Variants in ASIC1 observed in about 807,000 individuals in gnomAD.
ASIC1 encodes the protein acid-sensing ion channel 1.
A neutral mutation model predicts 63.4 loss-of-function variants in ASIC1; 21 were observed. The observed-to-expected ratio is 0.33, with a 90% CI of 0.23 to 0.48. The LOEUF (loss-of-function observed/expected upper bound fraction) is 0.48, where lower values mean the gene tolerates loss of function less well. Among genes scored for constraint, ASIC1 ranks in the 20% least tolerant of loss-of-function variants. The probability of loss-of-function intolerance (pLI) is 0.99; values close to 1 mark genes in which losing one functional copy is unlikely to be tolerated. For missense variants in ASIC1, 478 were observed against 695.5 expected (o/e 0.69, Z 3.52); for synonymous variants, 258 against 278.2 (o/e 0.93, Z 0.72).
In ASIC1 at chr12:50,081,142, C is replaced by G; in HGVS notation, c.1338C>G (p.Ser446Arg). Residue 446 changes from serine (S) to arginine (R), a missense_variant, in exon 10 of 12, where the codon AGC becomes AGG. Ser to Arg is a moderately radical substitution (Grantham distance 110). Coordinates refer to ENST00000447966, the MANE Select transcript of ASIC1 (RefSeq NM_001095.4). ...AGATGGGGCTGTTCATCGGGGCCAG[C>G]ATCCTCACGGTGCTGGAGCTCTTTG... Reference protein sequence around the residue: ...GGQMGLFIGASILTVLELFDY... With the variant: ...GGQMGLFIGARILTVLELFDY... The G allele has an allele frequency of 6.2e-7, 1 of 1,612,238 alleles. No individual in the cohort carries two copies. The highest frequency in any genetic ancestry group is 1.3e-5 in the African/African-American group (1 of 75,044).
At chr12:50,079,881 C>T (rs1950696969) in intron 7 of ASIC1, 21 bp from the exon 8 acceptor site, 1 of 1,587,572 alleles carries the variant, frequency 6.3e-7, no homozygotes, top group Non-Finnish European at 8.6e-7. Flanking sequence ...CAACTGAGAC[C>T]TCTCACCTGG....
intron 3 of ASIC1, among the ~76,000 whole-genome samples, chr12:50,072,183 G>T (rs1950606261): frequency 6.6e-6 from 1 of 152,220 alleles, no homozygotes; most frequent in African/African-American, 2.4e-5. Flanking sequence ...GAGAAGAGAG[G>T]AGGAGGAAGG....
chr12:50,065,661 C>T (rs1950538924), intron 3 of ASIC1, among the ~76,000 whole-genome samples: 1 of 152,238 alleles, frequency 6.6e-6, no homozygotes, highest in Admixed American at 6.5e-5. Flanking sequence ...CCACCCCAGG[C>T]TCTCCAAGGC....
intron 8 of ASIC1, chr12:50,080,262 C>T (rs1023686488): frequency 5.1e-6 from 4 of 778,574 alleles, no homozygotes; most frequent in African/African-American, 1.8e-5. Context: ...CCTCCTTCTT[C>T]ATCCTCATTG....
At chr12:50,068,301 G>A (rs1352185848) in intron 3 of ASIC1, among the ~76,000 whole-genome samples, 1 of 151,830 alleles carries the variant, frequency 6.6e-6, no homozygotes, top group Non-Finnish European at 1.5e-5. Context: ...CTAGTTTTTG[G>A]CTCTTATCTA....
chr12:50,064,165 T>G (rs888253881), intron 3 of ASIC1, among the ~76,000 whole-genome samples: 7 of 152,130 alleles, frequency 4.6e-5, no homozygotes, highest in Admixed American at 4.6e-4. Flanking sequence ...ATGGGGTTCA[T>G]GAACTTTGGG....
At chr12:50,063,351 G>A (rs12813845) in intron 3 of ASIC1, among the ~76,000 whole-genome samples, 3,670 of 152,326 alleles carry the variant, frequency 0.024, 76 homozygotes, top group Non-Finnish European at 0.04. Flanking sequence ...GCAGCAAGGG[G>A]AGGGGGCTGG....
intron 3 of ASIC1, among the ~76,000 whole-genome samples, chr12:50,065,399 C>T (rs1373897643): frequency 2.0e-5 from 3 of 152,210 alleles, no homozygotes; most frequent in East Asian, 3.9e-4. Context: ...TCCACCTGGC[C>T]CCACTTCTTA....
At position 50,081,379 on chromosome 12, in the gene ASIC1, G is replaced by C; in HGVS notation, c.1482+15G>C. 2 of 1,573,758 alleles carry C rather than the reference G, an allele frequency of 1.3e-6. No individual in the cohort carries two copies. The highest frequency in any genetic ancestry group is 8.6e-7 in the Non-Finnish European group (1 of 1,159,588). ...TCAAAAGACACGTGAGGGAGCGAGC[G>C]AGGGCGCCCTCCAGCCCGCCTGTGC... On this transcript the variant is annotated intron_variant, in intron 11 of 11. Transcript: ENST00000447966.
At chr12:50,064,796 G>A (rs947466765) in intron 3 of ASIC1, among the ~76,000 whole-genome samples, 3 of 152,180 alleles carry the variant, frequency 2.0e-5, no homozygotes, top group Non-Finnish European at 4.4e-5. Flanking sequence ...TGGGGATAGC[G>A]AGGGAGACAG....
intron 3 of ASIC1, chr12:50,073,856 T>C (rs1245596339): frequency 1.3e-6 from 2 of 1,531,522 alleles, no homozygotes; most frequent in Non-Finnish European, 1.7e-6. Flanking sequence ...AGGCAGGTGC[T>C]GTGGGCGGTG....
intron 3 of ASIC1, among the ~76,000 whole-genome samples, chr12:50,063,553 A>C (rs1950519772): frequency 6.6e-6 from 1 of 152,178 alleles, no homozygotes; most frequent in South Asian, 2.1e-4. Context: ...ATTGGGGGAC[A>C]GGAATCCCTG....
At position 50,074,493 on chromosome 12, in the gene ASIC1, GTA is replaced by G. The variant is rs752268520; in HGVS notation, c.559-2718_559-2717del. ...TCTTGAAACACGTCTGTCTTAGTTG[GTA>G]TTTTGCTGCTGCCTCCCAACATGTC... On this transcript the variant is annotated intron_variant, in intron 3 of 11. Transcript: ENST00000447966. The surrounding 1 kb of genome is among the most constrained non-coding windows in gnomAD (Gnocchi z 4.2). 1.3e-5 allele frequency among the ~76,000 whole-genome samples: 2 copies of G among 152,180 alleles called. No individual in the cohort carries two copies. Among genetic ancestry groups the G allele is most frequent in the African/African-American group, 2.4e-5 (1 of 41,442 alleles).
At position 50,074,891 on chromosome 12, in the gene ASIC1, T is replaced by C. The variant is rs1256822559; in HGVS notation, c.559-2322T>C. ...GTGTGTGTGTGTGTGTGTGTGTGTG[T>C]GTGTGTGTGTGTGTGTCTGAGGGTA... is the stretch of plus-strand genomic sequence containing the variant. On this transcript the variant is annotated intron_variant, in intron 3 of 11. Coordinates refer to ENST00000447966, the MANE Select transcript of ASIC1 (RefSeq NM_001095.4). The surrounding 1 kb of genome is among the most constrained non-coding windows in gnomAD (Gnocchi z 4.2). Among the ~76,000 whole-genome samples, 13 of 151,536 alleles carry C rather than the reference T, an allele frequency of 8.6e-5. No homozygotes were observed.
At chr12:50,079,002 C>A in intron 7 of ASIC1, 22 bp downstream of exon 7, 1 of 1,612,178 alleles carries the variant, frequency 6.2e-7, no homozygotes. Context: ...TGGCCTGGGG[C>A]AGTCTGGGGG....
chr12:50,058,167 C>T (rs965973648), intron 1 of ASIC1, among the ~76,000 whole-genome samples: 1 of 152,100 alleles, frequency 6.6e-6, no homozygotes, highest in African/African-American at 2.4e-5. Flanking sequence ...CCCGCCACCC[C>T]CCACTCCCAA....
rs1950470429 is a variant in ASIC1, at chr12:50,058,734, C to G, written c.-16-17C>G. The G allele has an allele frequency of 5.2e-6, 8 of 1,551,090 alleles. No homozygotes were observed. Among genetic ancestry groups the G allele is most frequent in the Non-Finnish European group, 7.0e-6 (8 of 1,145,670 alleles). ...CATCCCAGGACAATGATAGACTGTC[C>G]CTCCCTCCTCCCCCAGGATCCCCTC... On this transcript the variant is annotated splice_polypyrimidine_tract_variant and intron_variant, in intron 1 of 11. Transcript: ENST00000447966.
Position 50,074,544 on chromosome 12 carries a change from A to G in ASIC1, c.559-2669A>G, listed in dbSNP as rs1296429645. ...TCCTCCAGCTTTACCTGCCCTTCTC[A>G]AGACTTCCTCATGGTCCAGCAGGGC... is the stretch of plus-strand genomic sequence containing the variant. On this transcript the variant is annotated intron_variant, in intron 3 of 11. Coordinates refer to ENST00000447966, the MANE Select transcript of ASIC1 (RefSeq NM_001095.4). This position sits in a 1 kb window ranked among gnomAD's most constrained non-coding sequence, Gnocchi z 4.2. 6.6e-6 allele frequency among the ~76,000 whole-genome samples: 1 copy of G among 152,116 alleles called. No homozygotes were observed. Among genetic ancestry groups the G allele is most frequent in the African/African-American group, 2.4e-5 (1 of 41,414 alleles).
At chr12:50,075,046 G>T (rs1283204035) in intron 3 of ASIC1, among the ~76,000 whole-genome samples, 1 of 151,952 alleles carries the variant, frequency 6.6e-6, no homozygotes, top group Admixed American at 6.6e-5. Flanking sequence ...GGCTTTCCCT[G>T]CTGGGGGGCC....
Sources: allele counts gnomAD v4.1 joint callset (sites outside exome capture counted in the v4.1 genomes callset), GRCh38; gene constraint gnomAD v4.1.1; non-coding constraint Gnocchi (gnomAD v3.1); transcripts MANE v1.5; gene names NCBI Gene and HGNC (gene_info 2026-07-23, HGNC 2026-07-21).